Variants in LRP1B observed in about 807,000 individuals in gnomAD.
LRP1B encodes low-density lipoprotein receptor-related protein 1B.
Under a neutral mutation model 556.6 loss-of-function variants are expected in LRP1B, and 217 were observed. The ratio of observed to expected loss-of-function variants is 0.39; its 90% confidence interval spans 0.35 to 0.44. The LOEUF is 0.44. Among genes scored for constraint, LRP1B ranks in the 20% least tolerant of loss-of-function variants. LRP1B has a pLI of 1.00. For synonymous variants in LRP1B, 2,047 were observed against 1,865.8 expected (o/e 1.10, Z -2.50); for missense variants, 5,053 against 5,620.8 (o/e 0.90, Z 3.23).
chr2:141,241,140 A>G (rs957641787), intron 5 of LRP1B, among the ~76,000 whole-genome samples: 1 of 152,128 alleles, frequency 6.6e-6, no homozygotes, highest in Non-Finnish European at 1.5e-5. Flanking sequence ...TATCATTTGG[A>G]TAGTAAAAAT....
chr2:141,077,376 G>A (rs898846985), intron 7 of LRP1B, among the ~76,000 whole-genome samples: 1 of 152,118 alleles, frequency 6.6e-6, no homozygotes, highest in Non-Finnish European at 1.5e-5. Flanking sequence ...AGATTGTTTC[G>A]ATCACACTTG....
intron 11 of LRP1B, among the ~76,000 whole-genome samples, chr2:141,034,838 C>G (rs192103296): frequency 2.0e-5 from 3 of 150,936 alleles, no homozygotes; most frequent in Non-Finnish European, 4.4e-5. Flanking sequence ...ACCATTTGAC[C>G]CAGCCATCCC....
chr2:141,549,315 C>T (rs960511057), intron 2 of LRP1B, among the ~76,000 whole-genome samples: 3 of 152,054 alleles, frequency 2.0e-5, no homozygotes, highest in African/African-American at 7.2e-5. Context: ...AGGATAGAAG[C>T]TGGCACAAAG....
intron 41 of LRP1B, among the ~76,000 whole-genome samples, chr2:140,640,636 GC>G: frequency 6.6e-6 from 1 of 151,304 alleles, no homozygotes; most frequent in East Asian, 2.0e-4. Context: ...GCCCACCTCG[GC>G]CTCCCAAAGT....
intron 1 of LRP1B, among the ~76,000 whole-genome samples, chr2:141,918,914 C>T (rs1023305738): frequency 2.0e-5 from 3 of 152,098 alleles, no homozygotes; most frequent in Non-Finnish European, 4.4e-5. Flanking sequence ...GAGACTGTCA[C>T]CCATGTGCCT....
At position 140,872,929 on chromosome 2, in the gene LRP1B, G is replaced by A. The variant is rs1022723251; in HGVS notation, c.4170-4666C>T. ...AATATGTTTATGTATTTATGTGCAT[G>A]TACACAATGTTTCACCACTAAAAAT... On this transcript the variant is annotated intron_variant, in intron 25 of 90. Transcript: ENST00000389484. 3.0e-4 allele frequency among the ~76,000 whole-genome samples: 46 copies of A among 151,920 alleles called. 1 individual carries two copies. The highest frequency in any genetic ancestry group is 1.5e-5 in the Non-Finnish European group (1 of 67,954).
chr2:140,551,788 C>A (rs1397375271), intron 43 of LRP1B, among the ~76,000 whole-genome samples: 3 of 152,082 alleles, frequency 2.0e-5, no homozygotes, highest in African/African-American at 7.2e-5. Context: ...GCAGTATGTA[C>A]AAATGAAAGA....
At chr2:140,713,140 G>T (rs1687093055) in intron 37 of LRP1B, among the ~76,000 whole-genome samples, 1 of 151,912 alleles carries the variant, frequency 6.6e-6, no homozygotes, top group African/African-American at 2.4e-5. Flanking sequence ...TTCCATGTAT[G>T]CTTTACTGAG....
chr2:141,407,786 A>G (rs1472444333), intron 3 of LRP1B, among the ~76,000 whole-genome samples: 1 of 152,200 alleles, frequency 6.6e-6, no homozygotes, highest in African/African-American at 2.4e-5. Flanking sequence ...TTCTTTATAA[A>G]TCACTCAGCC....
intron 7 of LRP1B, among the ~76,000 whole-genome samples, chr2:141,132,373 A>G (rs1701380471): frequency 6.6e-6 from 1 of 152,000 alleles, no homozygotes; most frequent in Non-Finnish European, 1.5e-5. Flanking sequence ...TTATAAAGCC[A>G]GGATGCCCCT....
chr2:140,710,223 T>TA (rs200819271), intron 37 of LRP1B, among the ~76,000 whole-genome samples: 3,812 of 151,644 alleles, frequency 0.025, 66 homozygotes, highest in Middle Eastern at 0.051. Context: ...TGGAGAGAAA[T>TA]AAAAAAAATC....
At chr2:141,477,528 T>C (rs547058729) in intron 3 of LRP1B, among the ~76,000 whole-genome samples, 5 of 152,268 alleles carry the variant, frequency 3.3e-5, no homozygotes, top group African/African-American at 1.2e-4. Context: ...CCTTTGCTTA[T>C]AGGCAGTCAC....
chr2:141,527,084 A>C (rs1684715475), intron 2 of LRP1B, among the ~76,000 whole-genome samples: 1 of 152,050 alleles, frequency 6.6e-6, no homozygotes, highest in Non-Finnish European at 1.5e-5. Flanking sequence ...GACACCAAGT[A>C]TGGGAGGGCT....
intron 2 of LRP1B, among the ~76,000 whole-genome samples, chr2:141,606,034 A>G (rs2105315690): frequency 6.6e-6 from 1 of 152,092 alleles, no homozygotes; most frequent in East Asian, 1.9e-4. Flanking sequence ...CTCTTTGTAC[A>G]TGTTTGAAGC....
intron 2 of LRP1B, among the ~76,000 whole-genome samples, chr2:141,654,412 T>C (rs1689921440): frequency 6.6e-6 from 1 of 152,178 alleles, no homozygotes; most frequent in African/African-American, 2.4e-5. Flanking sequence ...GAAACCTTGC[T>C]TGAACTGCCT....
At chr2:141,130,667 A>C (rs1701327482) in intron 7 of LRP1B, among the ~76,000 whole-genome samples, 1 of 152,164 alleles carries the variant, frequency 6.6e-6, no homozygotes, top group South Asian at 2.1e-4. Flanking sequence ...AAAAGAAAAG[A>C]TATAATTTAA....
At chr2:141,128,647 G>A (rs1352747303) in intron 7 of LRP1B, among the ~76,000 whole-genome samples, 1 of 152,086 alleles carries the variant, frequency 6.6e-6, no homozygotes, top group African/African-American at 2.4e-5. Flanking sequence ...GTAAGACAGC[G>A]TTTTGCCTTG....
intron 1 of LRP1B, among the ~76,000 whole-genome samples, chr2:141,895,695 A>C (rs1699431210): frequency 6.6e-6 from 1 of 152,210 alleles, no homozygotes; most frequent in Non-Finnish European, 1.5e-5. Context: ...CTTTACAAAC[A>C]ATGATTTATG....
At chr2:141,208,876 C>CAAAAAAAAAAAAAAAAAAAAAA (rs57659094) in intron 6 of LRP1B, among the ~76,000 whole-genome samples, 1 of 65,462 alleles carries the variant, frequency 1.5e-5, no homozygotes, top group Non-Finnish European at 2.8e-5. Context: ...GATTCCGTCT[C>CAAAAAAAAAAAAAAAAAAAAAA]AAAAAAAAAA....
Sources: allele counts gnomAD v4.1 joint callset (sites outside exome capture counted in the v4.1 genomes callset), GRCh38; gene constraint gnomAD v4.1.1; transcripts MANE v1.5; gene names NCBI Gene and HGNC (gene_info 2026-07-23, HGNC 2026-07-21).